The following KMT5B variants were observed in gnomAD, a reference collection of about 807,000 sequenced individuals.
KMT5B encodes histone-lysine N-methyltransferase KMT5B.
KMT5B carries 10 observed loss-of-function variants against 83.2 expected under a neutral mutation model. The ratio of observed to expected loss-of-function variants is 0.12; its 90% CI spans 0.07 to 0.20. KMT5B has a LOEUF of 0.20. Among genes scored for constraint, KMT5B ranks in the 10% least tolerant of loss-of-function variants. The pLI, the probability that KMT5B is intolerant of heterozygous loss-of-function variation, is 1.00. For synonymous variants in KMT5B, 349 were observed against 388.8 expected (o/e 0.90, Z 1.20); for missense variants, 753 against 1,067.2 (o/e 0.71, Z 4.10).
At chr11:68,162,357 A>G (rs1019061246) in intron 10 of KMT5B, among the ~76,000 whole-genome samples, 1 of 152,178 alleles carries the variant, frequency 6.6e-6, no homozygotes, top group African/African-American at 2.4e-5. Context: ...ACTCGCCATG[A>G]AGAAAAGCTT....
At chr11:68,200,666 C>T (rs1591056598) in intron 1 of KMT5B, among the ~76,000 whole-genome samples, 1 of 152,134 alleles carries the variant, frequency 6.6e-6, no homozygotes, top group South Asian at 2.1e-4. Context: ...GCCTTCAGAG[C>T]GCTTATAGGA....
chr11:68,165,781 T>A, intron 10 of KMT5B: 4 of 1,533,746 alleles, frequency 2.6e-6, no homozygotes, highest in Non-Finnish European at 3.5e-6. Flanking sequence ...CTAACTCTTG[T>A]TGTTCACTCT....
At chr11:68,185,300 G>A (rs1447044920) in intron 3 of KMT5B, among the ~76,000 whole-genome samples, 1 of 152,146 alleles carries the variant, frequency 6.6e-6, no homozygotes. Flanking sequence ...CCGCCTCCCG[G>A]GTTCAAGTGA....
At chr11:68,203,751 G>C (rs1023178711) in intron 1 of KMT5B, among the ~76,000 whole-genome samples, 2 of 152,138 alleles carry the variant, frequency 1.3e-5, no homozygotes, top group African/African-American at 4.8e-5. Context: ...GTAGTTCAAC[G>C]GGGTGTTAGT....
rs1037897488 is a variant in KMT5B at position 68,198,048 on chromosome 11, C to T, written c.-76-7896G>A. On this transcript the variant is annotated intron_variant, in intron 1 of 10. Coordinates refer to ENST00000304363, the MANE Select transcript of KMT5B (RefSeq NM_017635.5). ...TTTCCTCTAAGACCACACGTTTACA[C>T]ATTAAAGGTAGCGATGGGATTTTAA... Among the ~76,000 whole-genome samples the T allele has an allele frequency of 9.2e-5, 14 of 152,278 alleles. No individual in the cohort carries two copies. The South Asian group carries it at 2.9e-3, about 32-fold the overall frequency.
chr11:68,203,220 T>G (rs1859675335), intron 1 of KMT5B, among the ~76,000 whole-genome samples: 1 of 151,548 alleles, frequency 6.6e-6, no homozygotes, highest in South Asian at 2.1e-4. Flanking sequence ...GTGATCTGCC[T>G]GCCTCGGCCT....
intron 6 of KMT5B, among the ~76,000 whole-genome samples, chr11:68,173,239 C>T (rs1256530263): frequency 6.6e-6 from 1 of 152,124 alleles, no homozygotes; most frequent in East Asian, 1.9e-4. Flanking sequence ...TGGGGTTTCA[C>T]CATGTTGGCC....
intron 1 of KMT5B, among the ~76,000 whole-genome samples, chr11:68,191,173 T>TTGTGTG (rs71040600): frequency 0.045 from 6,299 of 139,132 alleles, 184 homozygotes; most frequent in South Asian, 0.083. Flanking sequence ...TTTTAAAACT[T>TTGTGTG]TGTGTGTGTG....
rs575814216 is a variant in KMT5B, at chr11:68,155,207, C to T, written c.*2481G>A. The T allele has an allele frequency of 3.3e-5, 5 of 152,324 alleles. No homozygotes were observed. The highest frequency in any genetic ancestry group is 1.9e-4 in the East Asian group (1 of 5,188). 9.4% of individuals were successfully genotyped at this position (152,324 alleles called of 1,614,324 possible). A position where few individuals can be genotyped will look rare whatever the true frequency, so the allele number is the denominator to read the frequency against. On this transcript the variant is annotated 3_prime_UTR_variant, in exon 11 of 11. Transcript: ENST00000304363. ...ATGCAACCTCTTCTAAACTGGTCAACGGTGTGTGGCTGTCACCATTCCACA... is the reference window on the plus strand; with the variant it reads ...ATGCAACCTCTTCTAAACTGGTCAATGGTGTGTGGCTGTCACCATTCCACA...
intron 1 of KMT5B, among the ~76,000 whole-genome samples, chr11:68,193,339 C>T (rs1858311187): frequency 6.6e-6 from 1 of 152,180 alleles, no homozygotes; most frequent in Admixed American, 6.5e-5. Flanking sequence ...TGATAAATTA[C>T]TTCGAAGTAT....
chr11:68,161,276 CA>C (rs749873043), intron 10 of KMT5B, among the ~76,000 whole-genome samples: 1 of 152,050 alleles, frequency 6.6e-6, no homozygotes, highest in African/African-American at 2.4e-5. Flanking sequence ...TGCTTGCCTA[CA>C]AGGTGGACTG....
rs778951109 is a variant in KMT5B, at chr11:68,158,495, T to G, written c.1851A>C (p.Gly617=). 8.4e-5 allele frequency: 136 copies of G among 1,614,210 alleles called. 2 individuals carry two copies. In the South Asian group the frequency reaches 1.2e-3, roughly 14 times the overall value. ...TTTTTGCAAACTGTTTCACAAGTTT[T>G]CCTTGTCGTGACTTCTTTTTGGACA... ...TGMSKKKSRQ[G]KLVKQFAKIE... The change falls in exon 11 of 11, where the codon GGA becomes GGC. Residue 617 remains glycine (G), a synonymous_variant. Coordinates refer to ENST00000304363, the MANE Select transcript of KMT5B (RefSeq NM_017635.5).
intron 1 of KMT5B, among the ~76,000 whole-genome samples, chr11:68,201,004 A>C (rs1859368202): frequency 6.6e-6 from 1 of 152,206 alleles, no homozygotes; most frequent in Non-Finnish European, 1.5e-5. Context: ...ACCAAACATA[A>C]ATAAGGAGGT....
intron 1 of KMT5B, among the ~76,000 whole-genome samples, chr11:68,193,341 T>A (rs772660058): frequency 3.3e-5 from 5 of 152,168 alleles, no homozygotes; most frequent in Non-Finnish European, 7.3e-5. Context: ...ATAAATTACT[T>A]CGAAGTATTC....
At chr11:68,164,257 T>C (rs753181399) in intron 10 of KMT5B, among the ~76,000 whole-genome samples, 5 of 152,178 alleles carry the variant, frequency 3.3e-5, no homozygotes, top group Non-Finnish European at 7.3e-5. Flanking sequence ...ACTCAGAACA[T>C]TTTTTTATAC....
At chr11:68,174,954 G>T in intron 5 of KMT5B, 64 bp downstream of exon 5, 1 of 1,409,556 alleles carries the variant, frequency 7.1e-7, no homozygotes, top group Non-Finnish European at 9.8e-7. Context: ...TAACATTTAG[G>T]GTTTTAATTT....
At chr11:68,193,409 A>T (rs1195945619) in intron 1 of KMT5B, among the ~76,000 whole-genome samples, 1 of 152,122 alleles carries the variant, frequency 6.6e-6, no homozygotes, top group African/African-American at 2.4e-5. Context: ...ACAAAACATG[A>T]ATTTTTACTT....
intron 3 of KMT5B, among the ~76,000 whole-genome samples, chr11:68,182,972 G>A (rs181121449): frequency 1.1e-4 from 16 of 151,952 alleles, no homozygotes; most frequent in African/African-American, 3.9e-4. Context: ...CCGACCTCAG[G>A]TGATCCGCCC....
intron 1 of KMT5B, among the ~76,000 whole-genome samples, chr11:68,208,186 C>T (rs960162893): frequency 2.0e-5 from 3 of 151,458 alleles, no homozygotes; most frequent in Non-Finnish European, 4.4e-5. Context: ...CGGTGGCTCA[C>T]GCCTGTAATC....
Sources: gnomAD v4.1 joint callset for allele counts (sites outside exome capture counted in the v4.1 genomes callset) on GRCh38, gnomAD v4.1.1 for gene constraint, MANE v1.5 for transcripts, NCBI Gene and HGNC (gene_info 2026-07-23, HGNC 2026-07-21) for gene names.